ELP4: variants seen among roughly 807,000 people sequenced by gnomAD.
ELP4 encodes the protein elongator complex protein 4.
Under a neutral mutation model 48.9 loss-of-function variants are expected in ELP4, and 51 were observed. The ratio of observed to expected loss-of-function variants is 1.04; its 90% CI spans 0.83 to 1.32. The LOEUF is 1.32. Among genes scored for constraint, ELP4 ranks in the 40% most tolerant of loss-of-function variants. The probability of loss-of-function intolerance (pLI) is 0.00; values close to 1 mark genes in which losing one functional copy is unlikely to be tolerated. For synonymous variants in ELP4, 210 were observed against 189.2 expected (o/e 1.11, Z -0.90); for missense variants, 519 against 514.6 (o/e 1.01, Z -0.08).
At chr11:31,536,246 A>G (rs183459162) in intron 2 of ELP4, among the ~76,000 whole-genome samples, 28 of 152,224 alleles carry the variant, frequency 1.8e-4, no homozygotes, top group Admixed American at 3.9e-4. Flanking sequence ...CTATGCAGAC[A>G]TATATTTTCA....
At chr11:31,644,485 G>A (rs1238131899) in intron 7 of ELP4, among the ~76,000 whole-genome samples, 2 of 151,764 alleles carry the variant, frequency 1.3e-5, no homozygotes, top group Non-Finnish European at 2.9e-5. Context: ...GAATATGGAT[G>A]TTCCAGTTTC....
At chr11:31,700,715 G>A (rs982102855) in intron 9 of ELP4, among the ~76,000 whole-genome samples, 1 of 151,998 alleles carries the variant, frequency 6.6e-6, no homozygotes, top group African/African-American at 2.4e-5. Flanking sequence ...GTTGATTCAG[G>A]AAAGTGTCAG....
In ELP4 at chr11:31,539,702, G is replaced by A. The variant is rs747386108; in HGVS notation, c.300G>A (p.Lys100=). 7 of 1,610,206 alleles carry A rather than the reference G, an allele frequency of 4.3e-6. No individual in the cohort carries two copies. In the East Asian group the frequency reaches 1.6e-4, roughly 36 times the overall value. The change falls in exon 3 of 10, where the codon AAG becomes AAA. Residue 100 remains lysine, a synonymous_variant. Transcript: ENST00000640961. ...ATATTTACTCACCTTTGCTCTTCAA[G>A]TATTTCCTGGCAGAAGGAATTGTCA... ...KYNIYSPLLF[K]YFLAEGIVNG...
intron 9 of ELP4, among the ~76,000 whole-genome samples, chr11:31,732,784 T>A (rs1285328666): frequency 3.9e-5 from 6 of 152,180 alleles, no homozygotes; most frequent in Non-Finnish European, 7.4e-5. Context: ...ACACAAAATA[T>A]ACTTTTTGTC....
At chr11:31,646,907 A>G (rs913867823) in intron 7 of ELP4, 7 of 151,424 alleles carry the variant, frequency 4.6e-5, no homozygotes, top group African/African-American at 1.5e-4. Context: ...ATATTTGATG[A>G]TTATATTCTT....
intron 9 of ELP4, among the ~76,000 whole-genome samples, chr11:31,658,844 G>A (rs1945493236): frequency 6.6e-6 from 1 of 151,836 alleles, no homozygotes; most frequent in African/African-American, 2.4e-5. Context: ...TTCCTCCCCT[G>A]TCATCATAAC....
chr11:31,588,182 ATTC>A (rs1957510234), intron 3 of ELP4, among the ~76,000 whole-genome samples: 1 of 152,074 alleles, frequency 6.6e-6, no homozygotes, highest in African/African-American at 2.4e-5. Flanking sequence ...TATCAATCTT[ATTC>A]TTTTTAATAA....
At chr11:31,620,931 G>T (rs1055595434) in intron 5 of ELP4, among the ~76,000 whole-genome samples, 2 of 151,830 alleles carry the variant, frequency 1.3e-5, no homozygotes, top group African/African-American at 4.8e-5. Context: ...CCATGGTGAA[G>T]ATAATCAAAC....
chr11:31,631,925 A>G (rs961664571), intron 6 of ELP4, among the ~76,000 whole-genome samples: 6 of 152,118 alleles, frequency 3.9e-5, no homozygotes, highest in Admixed American at 2.6e-4. Flanking sequence ...AAATATTTTA[A>G]GTGCATTAAA....
At chr11:31,604,821 A>G (rs568390208) in intron 5 of ELP4, among the ~76,000 whole-genome samples, 95 of 152,030 alleles carry the variant, frequency 6.2e-4, no homozygotes, top group African/African-American at 1.9e-3. Flanking sequence ...TCTCCAATCT[A>G]TGGATAGAGA....
At chr11:31,704,645 AAAAATT>A (rs1242086981) in intron 9 of ELP4, among the ~76,000 whole-genome samples, 2 of 152,112 alleles carry the variant, frequency 1.3e-5, no homozygotes, top group African/African-American at 4.8e-5. Flanking sequence ...ATAAAAATAA[AAAAATT>A]AAAATTAAAA....
At chr11:31,560,206 G>A (rs1389912906) in intron 3 of ELP4, among the ~76,000 whole-genome samples, 1 of 151,994 alleles carries the variant, frequency 6.6e-6, no homozygotes, top group Non-Finnish European at 1.5e-5. Context: ...CCTAATTTAG[G>A]TGTTGACAGT....
At chr11:31,545,634 T>A (rs1359552343) in intron 3 of ELP4, among the ~76,000 whole-genome samples, 1 of 151,974 alleles carries the variant, frequency 6.6e-6, no homozygotes. Flanking sequence ...ATACAGAGAA[T>A]GCCACAAAGA....
chr11:31,559,905 TA>T (rs11399608), intron 3 of ELP4, among the ~76,000 whole-genome samples: 168 of 131,400 alleles, frequency 1.3e-3, no homozygotes, highest in Non-Finnish European at 1.4e-3. Flanking sequence ...AAACTCCGTC[TA>T]AAAAAAAAAA....
chr11:31,535,058 C>T (rs766057134), intron 2 of ELP4, among the ~76,000 whole-genome samples: 11 of 152,096 alleles, frequency 7.2e-5, no homozygotes, highest in Non-Finnish European at 1.0e-4. Flanking sequence ...TTTCCTTTGC[C>T]GTAACACACT....
intron 9 of ELP4, among the ~76,000 whole-genome samples, chr11:31,655,870 G>C (rs1945422349): frequency 6.6e-6 from 1 of 151,906 alleles, no homozygotes; most frequent in African/African-American, 2.4e-5. Context: ...CAAAGTAATA[G>C]TACTGTACTG....
intron 3 of ELP4, among the ~76,000 whole-genome samples, chr11:31,587,515 C>A (rs1250612964): frequency 6.6e-6 from 1 of 152,098 alleles, no homozygotes; most frequent in Non-Finnish European, 1.5e-5. Flanking sequence ...TACTGTGCTC[C>A]AAAATCATGT....
At chr11:31,511,786 A>C (rs1445852028) in intron 1 of ELP4, 1 of 152,164 alleles carries the variant, frequency 6.6e-6, no homozygotes, top group African/African-American at 2.4e-5. Flanking sequence ...AGCACCTTCT[A>C]TACGTGTTTC....
chr11:31,751,211 T>C (rs549971871), intron 9 of ELP4, among the ~76,000 whole-genome samples: 1 of 152,220 alleles, frequency 6.6e-6, no homozygotes, highest in Non-Finnish European at 1.5e-5. Context: ...TTGGCACCAA[T>C]TTGTAAAGCT....
Sources: allele counts gnomAD v4.1 joint callset (sites outside exome capture counted in the v4.1 genomes callset), GRCh38; gene constraint gnomAD v4.1.1; transcripts MANE v1.5; gene names NCBI Gene and HGNC (gene_info 2026-07-23, HGNC 2026-07-21).